TBC1D21: variants seen among roughly 807,000 people sequenced by gnomAD.
TBC1D21 encodes the protein TBC1 domain family member 21.
TBC1D21 carries 38 observed loss-of-function variants against 46.0 expected under a neutral mutation model. That is an observed-to-expected ratio of 0.83 (90% confidence interval 0.64 to 1.08). TBC1D21 has a LOEUF of 1.08. TBC1D21 is among the 50% of genes least tolerant of loss of function. The pLI, the probability that TBC1D21 is intolerant of heterozygous loss-of-function variation, is 0.00. For synonymous variants in TBC1D21, 151 were observed against 157.2 expected, an observed-to-expected ratio of 0.96 and a Z score of 0.29; for missense variants, 415 against 417.9, an observed-to-expected ratio of 0.99 and a Z score of 0.06.
rs2068057275 is a variant in TBC1D21, at chr15:73,876,199, G to GGTGTTTTTTTTT, written c.60+2430_60+2431insGTGTTTTTTTTT. Among the ~76,000 whole-genome samples, 6 of 28,314 alleles carry GGTGTTTTTTTTT rather than the reference G, an allele frequency of 2.1e-4. 2 individuals are homozygous for GGTGTTTTTTTTT. Among genetic ancestry groups the GGTGTTTTTTTTT allele is most frequent in the Non-Finnish European group, 9.4e-4 (5 of 5,336 alleles). 18.6% of individuals were successfully genotyped at this position (28,314 alleles called of 152,430 possible). A position where few individuals can be genotyped will look rare whatever the true frequency, so the allele number is the denominator to read the frequency against. Reference sequence around the variant, plus strand: ...GAAGAATCAGTGACTTTTTTTGTGGGTTTTTTTTTTTTTTTTTTTTTTTTT... The same window carrying GGTGTTTTTTTTT: ...GAAGAATCAGTGACTTTTTTTGTGGGGTGTTTTTTTTTTTTTTTTTTTTTTTTTTTTTTTTTT... On this transcript the variant is annotated intron_variant, in intron 1 of 10. Coordinates refer to ENST00000300504, the MANE Select transcript of TBC1D21 (RefSeq NM_153356.3).
At chr15:73,906,538 G>A in the TBC1D21 span, among the ~76,000 whole-genome samples, 1 of 152,188 alleles carries the variant, frequency 6.6e-6, no homozygotes, top group Non-Finnish European at 1.5e-5. Flanking sequence ...ACACGGAGGA[G>A]GAAGGCAGGC....
the TBC1D21 span, among the ~76,000 whole-genome samples, chr15:73,894,334 C>T: frequency 6.6e-6 from 1 of 152,244 alleles, no homozygotes; most frequent in Admixed American, 6.5e-5. Flanking sequence ...GCTGAAGCCC[C>T]ACCGATGGGC....
intron 6 of TBC1D21, 139 bp from the exon 7 acceptor site, chr15:73,885,939 T>C: frequency 1.5e-6 from 1 of 656,782 alleles, no homozygotes. Flanking sequence ...ACACACACAC[T>C]CAGACTCATA....
At chr15:73,884,597 AG>A (rs1389860346) in intron 4 of TBC1D21, among the ~76,000 whole-genome samples, 183 bp from the exon 5 acceptor site, 2 of 152,180 alleles carry the variant, frequency 1.3e-5, no homozygotes, top group African/African-American at 4.8e-5. Context: ...GGAGGTGGGA[AG>A]AAACACAGAC....
intron 1 of TBC1D21, among the ~76,000 whole-genome samples, chr15:73,877,978 C>G (rs2068095551): frequency 6.6e-6 from 1 of 152,216 alleles, no homozygotes; most frequent in Admixed American, 6.5e-5. Context: ...CTGTGAAAGC[C>G]TGAATGCTGC....
intron 1 of TBC1D21, among the ~76,000 whole-genome samples, chr15:73,875,770 T>A (rs1029152657): frequency 6.6e-6 from 1 of 152,190 alleles, no homozygotes; most frequent in African/African-American, 2.4e-5. Context: ...CTGGAGGGTA[T>A]CCAGCCCCCT....
downstream of TBC1D21, among the ~76,000 whole-genome samples, chr15:73,893,973 C>T (rs550339024): frequency 2.0e-5 from 3 of 152,362 alleles, no homozygotes; most frequent in East Asian, 5.8e-4. Context: ...GTGCTAAGCA[C>T]TCGCATGCTT....
chr15:73,900,420 T>C, the TBC1D21 span, among the ~76,000 whole-genome samples: 34 of 152,208 alleles, frequency 2.2e-4, no homozygotes, highest in East Asian at 6.2e-3. Context: ...GGAAATGGTA[T>C]GAAAGGGGTG....
At chr15:73,889,245 T>C, downstream of TBC1D21, 3 of 1,025,286 alleles carry the variant, frequency 2.9e-6, no homozygotes, top group Non-Finnish European at 1.5e-6. Flanking sequence ...GTCTTTGACC[T>C]TAGGGGCTGG....
chr15:73,880,846 T>C (rs949633977), intron 1 of TBC1D21, among the ~76,000 whole-genome samples: 6 of 152,140 alleles, frequency 3.9e-5, no homozygotes, highest in Non-Finnish European at 5.9e-5. Flanking sequence ...CTGTTTTTAG[T>C]GGGGGAGAGG....
chr15:73,897,709 G>C, the TBC1D21 span, among the ~76,000 whole-genome samples: 2 of 152,238 alleles, frequency 1.3e-5, no homozygotes, highest in Non-Finnish European at 2.9e-5. Context: ...TTGCCGAGAG[G>C]GAGGAAGCCT....
At chr15:73,884,063 G>A in intron 3 of TBC1D21, 88 bp from the exon 4 acceptor site, 1 of 1,099,404 alleles carries the variant, frequency 9.1e-7, no homozygotes, top group Non-Finnish European at 1.4e-6. Context: ...CCCTGGATCT[G>A]CCTGGGGCCT....
the TBC1D21 span, among the ~76,000 whole-genome samples, chr15:73,896,408 C>T: frequency 6.9e-6 from 1 of 143,938 alleles, no homozygotes; most frequent in African/African-American, 2.6e-5. Context: ...ATCAAGGTGG[C>T]GGCTCAAGTG....
the TBC1D21 span, among the ~76,000 whole-genome samples, chr15:73,901,682 G>T: frequency 6.6e-6 from 1 of 152,180 alleles, no homozygotes; most frequent in African/African-American, 2.4e-5. Flanking sequence ...TCTGGGTGCT[G>T]CCTGCATTCC....
intron 1 of TBC1D21, among the ~76,000 whole-genome samples, chr15:73,875,024 AT>A (rs1173087902): frequency 6.6e-6 from 1 of 152,152 alleles, no homozygotes; most frequent in Non-Finnish European, 1.5e-5. Flanking sequence ...AAGCGGGCAG[AT>A]CACCTGAGGT....
At chr15:73,873,911 A>G in intron 1 of TBC1D21, 142 bp downstream of exon 1, 4 of 919,788 alleles carry the variant, frequency 4.3e-6, no homozygotes, top group Non-Finnish European at 1.7e-6. Flanking sequence ...CCTTACTCTT[A>G]CCATCAGCCC....
Position 73,887,798 on chromosome 15 carries a change from C to T in TBC1D21, c.894+62C>T, listed in dbSNP as rs2068277862. On this transcript the variant is annotated intron_variant, in intron 9 of 10. Coordinates refer to ENST00000300504, the MANE Select transcript of TBC1D21 (RefSeq NM_153356.3). ...CTGGAGGCCCTGACACCCCACCCCA[C>T]CCCAGCTGAAAGACCGGGGTTCATG... 12 of 1,423,986 alleles carry T rather than the reference C, an allele frequency of 8.4e-6. No individual in the cohort carries two copies. The Admixed American group carries it at 1.7e-4, about 21-fold the overall frequency. The allele number at this position is 1,423,986 out of a possible 1,614,324, so 88.2% of individuals were successfully genotyped here. A position where few individuals can be genotyped will look rare whatever the true frequency, so the allele number is the denominator to read the frequency against.
chr15:73,892,179 T>C (rs1270312147), downstream of TBC1D21, among the ~76,000 whole-genome samples: 3 of 152,216 alleles, frequency 2.0e-5, no homozygotes, highest in Non-Finnish European at 2.9e-5. Context: ...GGAGAGGAGC[T>C]ACTCAGGGCG....
chr15:73,884,088 C>T (rs1477970420), intron 3 of TBC1D21, 63 bp from the exon 4 acceptor site: 5 of 1,357,458 alleles, frequency 3.7e-6, no homozygotes, highest in East Asian at 4.7e-5. Flanking sequence ...GCTGCAGCTG[C>T]TCATTCACCA....
Sources: allele counts gnomAD v4.1 joint callset (sites outside exome capture counted in the v4.1 genomes callset), GRCh38; gene constraint gnomAD v4.1.1; transcripts MANE v1.5; gene names NCBI Gene and HGNC (gene_info 2026-07-23, HGNC 2026-07-21).